ADGRL3: variants seen among roughly 807,000 people sequenced by gnomAD.
ADGRL3 encodes calcium-independent alpha-latrotoxin receptor 3.
Under a neutral mutation model 153.5 loss-of-function variants are expected in ADGRL3, and 62 were observed. The ratio of observed to expected loss-of-function variants is 0.40; its 90% CI spans 0.33 to 0.50. ADGRL3 has a LOEUF of 0.50. Among genes scored for constraint, ADGRL3 ranks in the 20% least tolerant of loss-of-function variants. ADGRL3 has a pLI of 0.47. For synonymous variants in ADGRL3, 710 were observed against 672.5 expected (o/e 1.06, Z -0.86); for missense variants, 1,641 against 1,859.4 (o/e 0.88, Z 2.16).
intron 2 of ADGRL3, among the ~76,000 whole-genome samples, chr4:61,443,772 T>C (rs370856632): frequency 1.3e-5 from 2 of 152,276 alleles, no homozygotes; most frequent in African/African-American, 4.8e-5. Flanking sequence ...CCATAACTAA[T>C]CTCAAATATC....
At chr4:61,289,631 C>T (rs373115140) in intron 1 of ADGRL3, among the ~76,000 whole-genome samples, 3 of 151,948 alleles carry the variant, frequency 2.0e-5, no homozygotes, top group African/African-American at 7.2e-5. Context: ...ATTCTGAATC[C>T]ATGTTTCCAA....
intron 8 of ADGRL3, among the ~76,000 whole-genome samples, chr4:61,757,818 G>T (rs2096856032): frequency 1.3e-5 from 2 of 152,110 alleles, no homozygotes; most frequent in South Asian, 4.1e-4. Flanking sequence ...CTGGTATGTT[G>T]TGTCTTTTTT....
chr4:61,521,938 G>A (rs1292991123), intron 4 of ADGRL3, among the ~76,000 whole-genome samples: 2 of 152,020 alleles, frequency 1.3e-5, no homozygotes, highest in Non-Finnish European at 2.9e-5. Flanking sequence ...TTTAGCATAA[G>A]TGATTCTTAA....
intron 1 of ADGRL3, among the ~76,000 whole-genome samples, chr4:61,369,950 A>C (rs2096487785): frequency 6.6e-6 from 1 of 152,018 alleles, no homozygotes; most frequent in African/African-American, 2.4e-5. Context: ...TTCCTGGTTT[A>C]GTCTTGGGAG....
At chr4:61,594,187 A>ATAAC (rs2098980333) in intron 5 of ADGRL3, among the ~76,000 whole-genome samples, 1 of 152,180 alleles carries the variant, frequency 6.6e-6, no homozygotes, top group Admixed American at 6.5e-5. Flanking sequence ...TTTGTCTGAT[A>ATAAC]TAACTCAGAA....
At chr4:61,393,118 A>G (rs2061266) in intron 2 of ADGRL3, among the ~76,000 whole-genome samples, 132,562 of 151,992 alleles carry the variant, frequency 0.87, 59,164 homozygotes, top group Middle Eastern at 0.98. Context: ...GGATTGTAGT[A>G]TTCTCATTTG....
At position 61,282,576 on chromosome 4, in the gene ADGRL3, T is replaced by A. The variant is rs192576294; in HGVS notation, c.-240+80811T>A. Among the ~76,000 whole-genome samples the A allele has an allele frequency of 2.1e-3, 316 of 152,118 alleles. 2 individuals are homozygous for A. Among genetic ancestry groups the A allele is most frequent in the African/African-American group, 7.3e-3 (303 of 41,552 alleles). On this transcript the variant is annotated intron_variant, in intron 1 of 26. Transcript: ENST00000683033. Reference sequence around the variant, plus strand: ...GAAGGTCTTCAGCAACCATAACATTTTGAGTTTTTTTAGTCATTTTTTTGG... The same window carrying A: ...GAAGGTCTTCAGCAACCATAACATTATGAGTTTTTTTAGTCATTTTTTTGG...
chr4:62,044,465 A>G lies in ADGRL3; in HGVS notation c.3730A>G (p.Arg1244Gly). 6.3e-7 allele frequency: 1 copy of G among 1,590,000 alleles called. No homozygotes were observed. The highest frequency in any genetic ancestry group is 8.6e-7 in the Non-Finnish European group (1 of 1,167,354). The part of the protein sequence containing the change: ...YSTGSQSRIR[R>G]MWNDTVRKQS... ...TTCCCCCACCCAGAGCCGAATCCGT[A>G]GAATGTGGAATGACACGGTTCGAAA... The change falls in exon 25 of 27, where the codon AGA becomes GGA. Residue 1244 changes from arginine (R) to glycine (G), a missense_variant. Physicochemically the swap from Arg to Gly is moderately radical, Grantham distance 125. This residue lies in a region of ADGRL3 where 517 missense variants were observed against 555.0 expected (regional missense o/e 0.93). Coordinates refer to ENST00000683033, the MANE Select transcript of ADGRL3 (RefSeq NM_001387552.1).
Position 61,284,538 on chromosome 4 carries a change from C to T in ADGRL3, c.-240+82773C>T, listed in dbSNP as rs1039543406. On this transcript the variant is annotated intron_variant, in intron 1 of 26. Coordinates refer to ENST00000683033, the MANE Select transcript of ADGRL3 (RefSeq NM_001387552.1). ...AGCACCTACTGTTTACCAAGGCTTCCCACCACATATCATTTGTGAGCTGCA... is the reference window on the plus strand; with the variant it reads ...AGCACCTACTGTTTACCAAGGCTTCTCACCACATATCATTTGTGAGCTGCA... Among the ~76,000 whole-genome samples the T allele has an allele frequency of 3.9e-5, 6 of 151,950 alleles. No homozygotes were observed. In the East Asian group the frequency reaches 5.8e-4, roughly 15 times the overall value.
intron 5 of ADGRL3, among the ~76,000 whole-genome samples, chr4:61,661,261 AT>A (rs570331459): frequency 2.0e-4 from 30 of 152,176 alleles, no homozygotes; most frequent in Non-Finnish European, 3.4e-4. Context: ...CACATATTGC[AT>A]TTTTTTAATA....
chr4:61,493,400 C>T (rs2098278106), intron 2 of ADGRL3, among the ~76,000 whole-genome samples: 1 of 152,160 alleles, frequency 6.6e-6, no homozygotes, highest in African/African-American at 2.4e-5. Flanking sequence ...GCTGCAATAC[C>T]TTAGAAGAAA....
At chr4:61,470,224 G>A (rs2097930598) in intron 2 of ADGRL3, among the ~76,000 whole-genome samples, 1 of 151,876 alleles carries the variant, frequency 6.6e-6, no homozygotes, top group Non-Finnish European at 1.5e-5. Context: ...TCAAGTCCAT[G>A]CTGAGCATTC....
At position 61,379,174 on chromosome 4, in the gene ADGRL3, G is replaced by A. The variant is rs1458614107; in HGVS notation, c.-239-3950G>A. On this transcript the variant is annotated intron_variant, in intron 1 of 26. Coordinates refer to ENST00000683033, the MANE Select transcript of ADGRL3 (RefSeq NM_001387552.1). ...ATATTTGAAAATCACCCATAGACTA[G>A]TCGGGTGAGACCTGAAGGGGGTAGT... is the stretch of plus-strand genomic sequence containing the variant. Among the ~76,000 whole-genome samples the A allele has an allele frequency of 2.0e-5, 3 of 152,072 alleles. No individual in the cohort carries two copies. The East Asian group carries it at 5.8e-4, about 29-fold the overall frequency.
At chr4:61,502,721 A>G (rs929993520) in intron 3 of ADGRL3, among the ~76,000 whole-genome samples, 1 of 152,170 alleles carries the variant, frequency 6.6e-6, no homozygotes, top group East Asian at 1.9e-4. Context: ...TAATAGTCAT[A>G]TATTTTGTAA....
At chr4:61,506,789 C>A (rs922912072) in intron 3 of ADGRL3, among the ~76,000 whole-genome samples, 1 of 152,010 alleles carries the variant, frequency 6.6e-6, no homozygotes, top group Non-Finnish European at 1.5e-5. Flanking sequence ...AAATAACGTG[C>A]AAACATAAAA....
intron 8 of ADGRL3, among the ~76,000 whole-genome samples, chr4:61,747,445 G>A (rs1039470580): frequency 5.9e-5 from 9 of 151,356 alleles, no homozygotes; most frequent in African/African-American, 1.7e-4. Flanking sequence ...GAACATTGAT[G>A]CAAAAATCCT....
rs1446030033 is a variant in ADGRL3, at chr4:61,912,496, T to C, written c.2074-223T>C. Among the ~76,000 whole-genome samples, 4 of 152,194 alleles carry C rather than the reference T, an allele frequency of 2.6e-5. No individual in the cohort carries two copies. The East Asian group carries it at 7.7e-4, about 29-fold the overall frequency. ...TGCTATCATTAACAACTTTATACCATAGAGTTTTCACTTAGGTTGTTCTGA... is the reference window on the plus strand; with the variant it reads ...TGCTATCATTAACAACTTTATACCACAGAGTTTTCACTTAGGTTGTTCTGA... On this transcript the variant is annotated intron_variant, in intron 12 of 26. Transcript: ENST00000683033.
intron 1 of ADGRL3, among the ~76,000 whole-genome samples, chr4:61,372,635 T>G: frequency 6.6e-6 from 1 of 152,208 alleles, no homozygotes; most frequent in Non-Finnish European, 1.5e-5. Context: ...TCTTCAAAGC[T>G]GTCAGACAAG....
chr4:61,714,738 G>C lies in ADGRL3; in HGVS notation c.584-15884G>C, dbSNP rs146668136. Among the ~76,000 whole-genome samples, 386 of 152,240 alleles carry C rather than the reference G, an allele frequency of 2.5e-3. 5 individuals carry two copies. Among genetic ancestry groups the C allele is most frequent in the African/African-American group, 8.4e-3 (351 of 41,556 alleles). ...TCTGTATTTCTCAGGGATCTTGACA[G>C]AATTTGGTTCTTCTTGCCAATAGCA... On this transcript the variant is annotated intron_variant, in intron 6 of 26. Coordinates refer to ENST00000683033, the MANE Select transcript of ADGRL3 (RefSeq NM_001387552.1).
Sources: allele counts gnomAD v4.1 joint callset (sites outside exome capture counted in the v4.1 genomes callset), GRCh38; gene constraint gnomAD v4.1.1; regional missense constraint gnomAD v4.1.1; transcripts MANE v1.5; gene names NCBI Gene and HGNC (gene_info 2026-07-23, HGNC 2026-07-21).